ANK3: variants seen among roughly 807,000 people sequenced by gnomAD.
ANK3 encodes ankyrin-3.
A neutral mutation model predicts 370.9 loss-of-function variants in ANK3; 57 were observed. That is an observed-to-expected ratio of 0.15 (90% CI 0.12 to 0.19). ANK3 has a LOEUF of 0.19. ANK3 is among the 10% of genes least tolerant of loss of function. The pLI, the probability that ANK3 is intolerant of heterozygous loss-of-function variation, is 1.00. For synonymous variants in ANK3, 1,929 were observed against 1,946.3 expected, an observed-to-expected ratio of 0.99 and a Z score of 0.23; for missense variants, 4,439 against 5,302.1, an observed-to-expected ratio of 0.84 and a Z score of 5.06.
At chr10:60,586,186 C>CT (rs1297628673) in intron 2 of ANK3, among the ~76,000 whole-genome samples, 3 of 152,054 alleles carry the variant, frequency 2.0e-5, no homozygotes, top group African/African-American at 7.2e-5. Context: ...GTACAGTCTT[C>CT]AATAATCACT....
At chr10:60,433,770 G>A (rs1277431120) in intron 2 of ANK3, among the ~76,000 whole-genome samples, 1 of 152,114 alleles carries the variant, frequency 6.6e-6, no homozygotes, top group African/African-American at 2.4e-5. Flanking sequence ...CTACATCATC[G>A]AGATAACCAC....
intron 43 of ANK3, among the ~76,000 whole-genome samples, chr10:60,038,516 A>G (rs528834293): frequency 6.6e-6 from 1 of 152,214 alleles, no homozygotes; most frequent in Non-Finnish European, 1.5e-5. Context: ...AGGAGCTTCT[A>G]CACAGCAAAA....
At chr10:60,685,693 GA>G (rs1365616786) in intron 1 of ANK3, among the ~76,000 whole-genome samples, 1 of 152,164 alleles carries the variant, frequency 6.6e-6, no homozygotes. Flanking sequence ...GACCTAGAAT[GA>G]AGACCTTGGG....
rs1284500923 is a variant in ANK3 at position 60,071,776 on chromosome 10, G to A, written c.9105C>T (p.Cys3035=). 1.9e-6 allele frequency: 3 copies of A among 1,604,258 alleles called. No homozygotes were observed. Among genetic ancestry groups the A allele is most frequent in the South Asian group, 1.1e-5 (1 of 88,850 alleles). Residue 3035 remains cysteine, a synonymous_variant, in exon 37 of 44, where the codon TGC becomes TGT. Transcript: ENST00000280772. ...VSKHQSYVGL[C]PPLEETETSP... ...AGGTTTCGGTTTCCTCGAGAGGTGG[G>A]CATAAACCTACATAACTCTGGTGTT...
intron 1 of ANK3, among the ~76,000 whole-genome samples, chr10:60,333,484 CT>C (rs915527355): frequency 3.2e-4 from 49 of 152,240 alleles, no homozygotes; most frequent in African/African-American, 1.2e-3. Flanking sequence ...TGAACTCATT[CT>C]TTTTTACGCC....
At chr10:60,087,077 C>A (rs1270496334) in intron 29 of ANK3, among the ~76,000 whole-genome samples, 193 bp from the exon 30 acceptor site, 3 of 149,248 alleles carry the variant, frequency 2.0e-5, no homozygotes, top group Non-Finnish European at 4.4e-5. Flanking sequence ...AACACTATGA[C>A]AGGAATTGGT....
At chr10:60,240,330 G>GTTT in intron 7 of ANK3, among the ~76,000 whole-genome samples, 1 of 120,210 alleles carries the variant, frequency 8.3e-6, no homozygotes, top group African/African-American at 2.9e-5. Context: ...TTGAGATAGA[G>GTTT]TTTCGCTCTT....
chr10:60,473,128 A>T (rs2065258227), intron 2 of ANK3, among the ~76,000 whole-genome samples: 2 of 152,242 alleles, frequency 1.3e-5, no homozygotes, highest in Admixed American at 6.5e-5. Context: ...ACAAACCTGA[A>T]TATAAAACAT....
At chr10:60,390,541 A>G (rs2063004479), upstream of ANK3, among the ~76,000 whole-genome samples, 3 of 152,164 alleles carry the variant, frequency 2.0e-5, no homozygotes, top group South Asian at 6.2e-4. Flanking sequence ...TCATTATGTG[A>G]AGTGAAGCAG....
Position 60,073,007 on chromosome 10 carries a change from C to T in ANK3, c.7874G>A (p.Ser2625Asn), listed in dbSNP as rs1311677533. ...TTTCTCAGGGCTGCTACTGGTAGGG[C>T]TTTGAGAAGAATATTCTTTGCCATT... is the stretch of plus-strand genomic sequence containing the variant. ...PKNGKEYSSQ[S>N]PTSSSPEKVL... Residue 2625 changes from serine to asparagine, a missense_variant, in exon 37 of 44, where the codon AGC becomes AAC. This residue lies in a region of ANK3 where 1,601 missense variants were observed against 1,731.7 expected (regional missense o/e 0.92). Coordinates refer to ENST00000280772, the MANE Select transcript of ANK3 (RefSeq NM_020987.5). The T allele has an allele frequency of 6.2e-7, 1 of 1,613,986 alleles. No homozygotes were observed. Among genetic ancestry groups the T allele is most frequent in the Non-Finnish European group, 8.5e-7 (1 of 1,180,000 alleles).
rs116565842 is a variant in ANK3 at position 60,275,019 on chromosome 10, T to G, written c.414+3755A>C. Among the ~76,000 whole-genome samples the G allele has an allele frequency of 3.1e-3, 478 of 152,296 alleles. 5 individuals are homozygous for G. The highest frequency in any genetic ancestry group is 0.017 in the Middle Eastern group (5 of 294). ...TAGACAACCTAGAGCCATAACTGTT[T>G]GCTGTGAAATGGCACATGGATTGGG... On this transcript the variant is annotated intron_variant, in intron 4 of 43. Transcript: ENST00000280772.
At position 60,691,250 on chromosome 10, in the gene ANK3, T is replaced by A. The variant is rs2079348103; in HGVS notation, c.57+42013A>T. ...ATCATTCATACCCCAAACCCCAGCA[T>A]CATGCAGTATATCCAGGTAACAAAC... is the stretch of plus-strand genomic sequence containing the variant. On this transcript the variant is annotated intron_variant, in intron 1 of 43. Coordinates refer to the ANK3 transcript ENST00000373827. Among the ~76,000 whole-genome samples the A allele has an allele frequency of 2.6e-5, 4 of 152,110 alleles. No homozygotes were observed. In the East Asian group the frequency reaches 7.7e-4, roughly 29 times the overall value.
intron 38 of ANK3, 25 bp from the exon 39 acceptor site, chr10:60,064,313 A>G (rs2081198866): frequency 1.3e-6 from 2 of 1,551,976 alleles, no homozygotes; most frequent in Admixed American, 4.5e-5. Context: ...GAGAGTTACT[A>G]AGATTGCATA....
chr10:60,121,917 C>A (rs769530109), intron 25 of ANK3, among the ~76,000 whole-genome samples: 2 of 152,008 alleles, frequency 1.3e-5, no homozygotes, highest in Non-Finnish European at 2.9e-5. Context: ...AATATATATG[C>A]CTACTATGTA....
At chr10:60,563,142 G>T (rs905396126) in intron 2 of ANK3, among the ~76,000 whole-genome samples, 1 of 152,088 alleles carries the variant, frequency 6.6e-6, no homozygotes. Context: ...AAAAAACCAA[G>T]CTTTATAAAT....
chr10:60,504,975 C>T (rs1476327633), intron 2 of ANK3, among the ~76,000 whole-genome samples: 1 of 152,064 alleles, frequency 6.6e-6, no homozygotes, highest in South Asian at 2.1e-4. Flanking sequence ...ATCATTATAA[C>T]TTTTCTATGT....
chr10:60,490,816 T>A (rs2075478226), intron 2 of ANK3, among the ~76,000 whole-genome samples: 1 of 152,220 alleles, frequency 6.6e-6, no homozygotes, highest in Non-Finnish European at 1.5e-5. Context: ...AATGTACAGA[T>A]TCTAAGTGTT....
chr10:60,156,556 C>T (rs1241942489), intron 23 of ANK3, among the ~76,000 whole-genome samples: 3 of 152,148 alleles, frequency 2.0e-5, no homozygotes, highest in Middle Eastern at 3.2e-3. Context: ...ATTATCCCTC[C>T]CCCAACTCCA....
At chr10:60,169,373 T>G (rs920290742) in intron 21 of ANK3, among the ~76,000 whole-genome samples, 1 of 150,350 alleles carries the variant, frequency 6.7e-6, no homozygotes, top group African/African-American at 2.4e-5. Context: ...AGTTTTTTTT[T>G]TTTTTTTTTT....
Sources: gnomAD v4.1 joint callset for allele counts (sites outside exome capture counted in the v4.1 genomes callset) on GRCh38, gnomAD v4.1.1 for gene constraint, gnomAD v4.1.1 regional missense constraint, MANE v1.5 for transcripts, NCBI Gene and HGNC (gene_info 2026-07-23, HGNC 2026-07-21) for gene names.